PI15: variants seen among roughly 807,000 people sequenced by gnomAD.
PI15 encodes the protein 25 kDa trypsin inhibitor.
A neutral mutation model predicts 31.0 loss-of-function variants in PI15; 18 were observed. The observed-to-expected ratio is 0.58, with a 90% confidence interval of 0.40 to 0.86. The LOEUF (loss-of-function observed/expected upper bound fraction) is 0.86, where lower values mean the gene tolerates loss of function less well. Among genes scored for constraint, PI15 ranks in the 40% least tolerant of loss-of-function variants. PI15 has a pLI of 0.00. For missense variants in PI15, 282 were observed against 328.1 expected (o/e 0.86, Z 1.09); for synonymous variants, 118 against 119.1 (o/e 0.99, Z 0.06).
rs1186621946 is a variant in PI15 at position 74,852,227 on chromosome 8, G to C, written c.*2974G>C. On this transcript the variant is annotated 3_prime_UTR_variant, in exon 6 of 6. Coordinates refer to ENST00000260113, the MANE Select transcript of PI15 (RefSeq NM_015886.5). ...ATTCCACATCATCGATCCTCTCTGT[G>C]GTGTTAATTTTTTTATATGACCAGT... 6.6e-6 allele frequency: 1 copy of C among 151,776 alleles called. No homozygotes were observed. The highest frequency in any genetic ancestry group is 6.6e-5 in the Admixed American group (1 of 15,220). 9.4% of individuals were successfully genotyped at this position (151,776 alleles called of 1,614,324 possible).
rs1449098455 is a variant in PI15 at position 74,850,101 on chromosome 8, T to G, written c.*848T>G. On this transcript the variant is annotated 3_prime_UTR_variant, in exon 6 of 6. Transcript: ENST00000260113. ...ACTAGTGATTTTGCTATAAAATTAT[T>G]TTTGAAGGAAGCAGACACAGCAGTA... 1 of 152,156 alleles carries G rather than the reference T, an allele frequency of 6.6e-6. No homozygotes were observed. The highest frequency in any genetic ancestry group is 1.9e-4 in the East Asian group (1 of 5,194). 9.4% of individuals were successfully genotyped at this position (152,156 alleles called of 1,614,324 possible). A position where few individuals can be genotyped will look rare whatever the true frequency, so the allele number is the denominator to read the frequency against.
intron 2 of PI15, among the ~76,000 whole-genome samples, chr8:74,842,013 CTT>C (rs142727868): frequency 1.3e-5 from 2 of 151,364 alleles, no homozygotes; most frequent in African/African-American, 4.9e-5. Context: ...AAGAGTTTAT[CTT>C]TTTTTTTCTT....
intron 2 of PI15, among the ~76,000 whole-genome samples, chr8:74,832,179 G>A (rs1215178217): frequency 6.6e-6 from 1 of 152,130 alleles, no homozygotes; most frequent in Non-Finnish European, 1.5e-5. Flanking sequence ...TGATGAAGTA[G>A]AATAAGGATT....
rs1811006507 is a variant in PI15 at position 74,845,164 on chromosome 8, T to C, written c.429T>C (p.Tyr143=). The C allele has an allele frequency of 6.2e-7, 1 of 1,612,684 alleles. No homozygotes were observed. Among genetic ancestry groups the C allele is most frequent in the African/African-American group, 1.3e-5 (1 of 75,038 alleles). ...RSILQLVKPW[Y]DEVKDYAFPY... is the part of the protein sequence containing the mutation. ...TTCTCCAGTTGGTCAAGCCATGGTA[T>C]GATGAAGTGAAAGATTATGCTTTTC... The change falls in exon 4 of 6, where the codon TAT becomes TAC. Residue 143 remains tyrosine, a synonymous_variant. Coordinates refer to ENST00000260113, the MANE Select transcript of PI15 (RefSeq NM_015886.5).
chr8:74,835,734 T>C (rs1810863867), intron 2 of PI15, among the ~76,000 whole-genome samples: 1 of 152,194 alleles, frequency 6.6e-6, no homozygotes, highest in South Asian at 2.1e-4. Flanking sequence ...GCAAATTTGT[T>C]GTTTTCAAAG....
At chr8:74,824,851 A>AT (rs1048378225) in intron 1 of PI15, 176 bp downstream of exon 1, 13 of 185,538 alleles carry the variant, frequency 7.0e-5, no homozygotes, top group Admixed American at 2.7e-4. Context: ...CCTGTGATTC[A>AT]TTTTTTCTTC....
At chr8:74,828,050 T>C (rs1264172935) in intron 2 of PI15, among the ~76,000 whole-genome samples, 2 of 152,162 alleles carry the variant, frequency 1.3e-5, no homozygotes, top group Non-Finnish European at 2.9e-5. Flanking sequence ...ATTGACTATA[T>C]GTTAGGCTAC....
chr8:74,844,879 C>A, intron 3 of PI15: 1 of 421,754 alleles, frequency 2.4e-6, no homozygotes, highest in South Asian at 5.9e-5. Context: ...GCATTTTCTT[C>A]GTGGAATGAC....
chr8:74,842,914 G>C (rs2128765598), intron 2 of PI15, among the ~76,000 whole-genome samples: 1 of 152,194 alleles, frequency 6.6e-6, no homozygotes, highest in Non-Finnish European at 1.5e-5. Flanking sequence ...CTATGTAGCA[G>C]TGTTACTTTT....
rs954183110 is a variant in PI15, at chr8:74,850,571, C to T, written c.*1318C>T. 3.3e-5 allele frequency: 5 copies of T among 152,148 alleles called. No individual in the cohort carries two copies. The highest frequency in any genetic ancestry group is 2.1e-4 in the South Asian group (1 of 4,822). The allele number at this position is 152,148 out of a possible 1,614,324, so 9.4% of individuals were successfully genotyped here. On this transcript the variant is annotated 3_prime_UTR_variant, in exon 6 of 6. Transcript: ENST00000260113. ...TTTGAGTATTGTATGAAAGATCCTT[C>T]GTGCACACCACACACAGTCATGATT...
chr8:74,832,283 C>A (rs1055704863), intron 2 of PI15, among the ~76,000 whole-genome samples: 2 of 152,098 alleles, frequency 1.3e-5, no homozygotes, highest in African/African-American at 4.8e-5. Context: ...GAGCAGAATT[C>A]TGGAAGCCAT....
At chr8:74,836,783 C>T (rs1810878801) in intron 2 of PI15, among the ~76,000 whole-genome samples, 1 of 152,028 alleles carries the variant, frequency 6.6e-6, no homozygotes, top group Non-Finnish European at 1.5e-5. Flanking sequence ...CAGGAGATGA[C>T]CTTTGATGAC....
rs530330785 is a variant in PI15 at position 74,850,537 on chromosome 8, T to C, written c.*1284T>C. 6.6e-6 allele frequency: 1 copy of C among 152,158 alleles called. No homozygotes were observed. Among genetic ancestry groups the C allele is most frequent in the South Asian group, 2.1e-4 (1 of 4,830 alleles). The allele number at this position is 152,158 out of a possible 1,614,324, so 9.4% of individuals were successfully genotyped here. A position where few individuals can be genotyped will look rare whatever the true frequency, so the allele number is the denominator to read the frequency against. On this transcript the variant is annotated 3_prime_UTR_variant, in exon 6 of 6. Coordinates refer to ENST00000260113, the MANE Select transcript of PI15 (RefSeq NM_015886.5). ...TGTCATTGAATCAATCTACTTATCA[T>C]CTTGGGTCTTTGAGTATTGTATGAA...
intron 2 of PI15, among the ~76,000 whole-genome samples, chr8:74,835,932 T>TG (rs1810866683): frequency 6.6e-6 from 1 of 152,182 alleles, no homozygotes; most frequent in East Asian, 1.9e-4. Context: ...ACCCTTAGTG[T>TG]CTCTTTCAAT....
Position 74,853,438 on chromosome 8 carries a change from C to A in PI15, c.*4185C>A, listed in dbSNP as rs978194494. 1 of 152,514 alleles carries A rather than the reference C, an allele frequency of 6.6e-6. No homozygotes were observed. Among genetic ancestry groups the A allele is most frequent in the African/African-American group, 2.4e-5 (1 of 41,448 alleles). 9.4% of individuals were successfully genotyped at this position (152,514 alleles called of 1,614,324 possible). A position where few individuals can be genotyped will look rare whatever the true frequency, so the allele number is the denominator to read the frequency against. Reference sequence around the variant, plus strand: ...AACTCTGTTGTTTTAATTCAACAGTCCAACATTATTTAGGTGTTACAGAGT... The same window carrying A: ...AACTCTGTTGTTTTAATTCAACAGTACAACATTATTTAGGTGTTACAGAGT... On this transcript the variant is annotated 3_prime_UTR_variant, in exon 6 of 6. Coordinates refer to ENST00000260113, the MANE Select transcript of PI15 (RefSeq NM_015886.5).
rs940196849 is a variant in PI15 at position 74,843,851 on chromosome 8, A to G, written c.274-130A>G. The G allele has an allele frequency of 4.3e-6, 3 of 696,252 alleles. No individual in the cohort carries two copies. The African/African-American group carries it at 5.3e-5, about 12-fold the overall frequency. 43.1% of individuals were successfully genotyped at this position (696,252 alleles called of 1,614,324 possible). On this transcript the variant is annotated intron_variant, in intron 2 of 5. Coordinates refer to ENST00000260113, the MANE Select transcript of PI15 (RefSeq NM_015886.5). ...TTGCACTCCACTCCAGCCCGGGCAG[A>G]AAAAACAAAAACAAAAACAAACAAA...
chr8:74,837,923 T>C (rs949532025), intron 2 of PI15, among the ~76,000 whole-genome samples: 1 of 152,148 alleles, frequency 6.6e-6, no homozygotes, highest in Non-Finnish European at 1.5e-5. Flanking sequence ...CTTCTCAAAG[T>C]TCACTTTAAT....
Position 74,849,346 on chromosome 8 carries a change from ATTT to A in PI15, c.*95_*97del. On this transcript the variant is annotated 3_prime_UTR_variant, in exon 6 of 6. Coordinates refer to ENST00000260113, the MANE Select transcript of PI15 (RefSeq NM_015886.5). ...AGAGAATTTTGCACATATTATACATATTTTGTGCTAATCTTGTTTTCCTCTTAG... is the reference window on the plus strand; with the variant it reads ...AGAGAATTTTGCACATATTATACATATGTGCTAATCTTGTTTTCCTCTTAG... 1.1e-6 allele frequency: 1 copy of A among 934,930 alleles called. No individual in the cohort carries two copies. Among genetic ancestry groups the A allele is most frequent in the African/African-American group, 1.7e-5 (1 of 58,842 alleles). The allele number at this position is 934,930 out of a possible 1,614,324, so 57.9% of individuals were successfully genotyped here.
intron 2 of PI15, among the ~76,000 whole-genome samples, chr8:74,835,058 T>C (rs969162058): frequency 4.6e-5 from 7 of 152,160 alleles, no homozygotes; most frequent in African/African-American, 1.7e-4. Context: ...ACCACTTATA[T>C]GCTGATGATG....
Sources: gnomAD v4.1 joint callset for allele counts (sites outside exome capture counted in the v4.1 genomes callset) on GRCh38, gnomAD v4.1.1 for gene constraint, MANE v1.5 for transcripts, NCBI Gene and HGNC (gene_info 2026-07-23, HGNC 2026-07-21) for gene names.